Variants in CNTN5 observed in about 807,000 individuals in gnomAD.
CNTN5 encodes contactin 5.
A neutral mutation model predicts 129.1 loss-of-function variants in CNTN5; 77 were observed. The observed-to-expected ratio is 0.60, with a 90% CI of 0.50 to 0.72. The LOEUF (loss-of-function observed/expected upper bound fraction) is 0.72. Ranked by LOEUF, CNTN5 falls within the 30% of genes least tolerant of loss-of-function variation. The pLI, the probability that CNTN5 is intolerant of heterozygous loss-of-function variation, is 0.00. For synonymous variants in CNTN5, 509 were observed against 465.6 expected (o/e 1.09, Z -1.20); for missense variants, 1,478 against 1,328.8 (o/e 1.11, Z -1.75).
intron 3 of CNTN5, among the ~76,000 whole-genome samples, chr11:99,733,092 G>A (rs1444286210): frequency 3.9e-5 from 6 of 151,962 alleles, no homozygotes; most frequent in Non-Finnish European, 8.8e-5. Flanking sequence ...TTGGGAGGCC[G>A]AGGTGCATGG....
chr11:99,795,427 C>T (rs1199756045), intron 3 of CNTN5, among the ~76,000 whole-genome samples: 4 of 152,096 alleles, frequency 2.6e-5, no homozygotes, highest in Admixed American at 1.3e-4. Flanking sequence ...GTCATTTCAG[C>T]CATTTCAGCC....
chr11:99,237,526 G>A (rs1046231379), intron 1 of CNTN5, among the ~76,000 whole-genome samples: 4 of 151,934 alleles, frequency 2.6e-5, no homozygotes, highest in Non-Finnish European at 5.9e-5. Flanking sequence ...ACTAAAATAT[G>A]AAAAATTAGC....
chr11:99,195,693 T>G (rs978961434), intron 1 of CNTN5, among the ~76,000 whole-genome samples: 3 of 152,058 alleles, frequency 2.0e-5, no homozygotes, highest in African/African-American at 7.2e-5. Context: ...TTTAAAACAT[T>G]TACAAATTCA....
chr11:100,224,679 A>C lies in CNTN5; in HGVS notation c.1885-13A>C, dbSNP rs377322067. The C allele has an allele frequency of 2.5e-6, 4 of 1,606,800 alleles. No homozygotes were observed. In the African/African-American group the frequency reaches 5.3e-5, roughly 21 times the overall value. ...TTGCAACATTTTAAACTGGCACTTC[A>C]TCCCTCTTTCAGCAAGCATCCTCTG... On this transcript the variant is annotated splice_polypyrimidine_tract_variant and intron_variant, in intron 15 of 24. Transcript: ENST00000524871.
chr11:99,705,856 A>G (rs1386906431), intron 3 of CNTN5, among the ~76,000 whole-genome samples: 3 of 151,372 alleles, frequency 2.0e-5, no homozygotes, highest in Non-Finnish European at 4.4e-5. Flanking sequence ...CTCAAGTGTC[A>G]GGATCCTCAC....
At chr11:99,425,364 C>A (rs748203732) in intron 2 of CNTN5, among the ~76,000 whole-genome samples, 35 of 152,222 alleles carry the variant, frequency 2.3e-4, no homozygotes, top group South Asian at 6.2e-4. Context: ...CTTCCAGGAA[C>A]CTGTCTGTCT....
intron 3 of CNTN5, among the ~76,000 whole-genome samples, chr11:99,625,919 TATATAC>T (rs1204632891): frequency 0.016 from 996 of 61,040 alleles, 19 homozygotes; most frequent in African/African-American, 0.057. Context: ...TATATATATA[TATATAC>T]ACACACACAC....
chr11:99,134,202 T>C (rs767643400), intron 1 of CNTN5, among the ~76,000 whole-genome samples: 1 of 151,824 alleles, frequency 6.6e-6, no homozygotes, highest in Non-Finnish European at 1.5e-5. Flanking sequence ...AGCTGAACAA[T>C]GAGAACAAAT....
At chr11:99,257,063 T>C (rs931777473) in intron 1 of CNTN5, among the ~76,000 whole-genome samples, 4 of 152,060 alleles carry the variant, frequency 2.6e-5, no homozygotes, top group Non-Finnish European at 4.4e-5. Context: ...CAGATTCGGG[T>C]CTGCATTTTT....
At chr11:99,066,178 A>G (rs1442981182) in intron 1 of CNTN5, among the ~76,000 whole-genome samples, 1 of 152,140 alleles carries the variant, frequency 6.6e-6, no homozygotes, top group Non-Finnish European at 1.5e-5. Context: ...ATCTCAGCTC[A>G]CTGCAACCTT....
intron 1 of CNTN5, among the ~76,000 whole-genome samples, chr11:99,103,303 T>C (rs762309537): frequency 1.8e-4 from 27 of 152,210 alleles, no homozygotes; most frequent in Admixed American, 9.2e-4. Context: ...TATGTTTTCT[T>C]TGTATAATGT....
chr11:99,601,265 C>G (rs1338356689), intron 3 of CNTN5, among the ~76,000 whole-genome samples: 1 of 152,124 alleles, frequency 6.6e-6, no homozygotes, highest in Non-Finnish European at 1.5e-5. Flanking sequence ...TTTATAACCT[C>G]AAAAAATATA....
At chr11:99,731,979 T>A (rs1943550855) in intron 3 of CNTN5, among the ~76,000 whole-genome samples, 1 of 152,220 alleles carries the variant, frequency 6.6e-6, no homozygotes, top group Admixed American at 6.5e-5. Context: ...ATAATGTATA[T>A]AAATGCCCAT....
At chr11:99,976,118 T>C (rs1937946410) in intron 8 of CNTN5, among the ~76,000 whole-genome samples, 1 of 152,190 alleles carries the variant, frequency 6.6e-6, no homozygotes, top group African/African-American at 2.4e-5. Context: ...CAGAGAGTCA[T>C]TAAATCTTAA....
intron 6 of CNTN5, among the ~76,000 whole-genome samples, chr11:99,866,326 A>T (rs1431314405): frequency 6.6e-6 from 1 of 152,172 alleles, no homozygotes; most frequent in Non-Finnish European, 1.5e-5. Flanking sequence ...TCTCCTGGGT[A>T]TTTAGTATTT....
At chr11:99,760,782 A>C (rs1414122124) in intron 3 of CNTN5, among the ~76,000 whole-genome samples, 4 of 152,054 alleles carry the variant, frequency 2.6e-5, no homozygotes, top group African/African-American at 9.7e-5. Flanking sequence ...GTTCATATAA[A>C]AATCCAAATT....
intron 2 of CNTN5, among the ~76,000 whole-genome samples, chr11:99,375,349 A>G (rs1487299422): frequency 6.6e-6 from 1 of 150,518 alleles, no homozygotes; most frequent in Non-Finnish European, 1.5e-5. Context: ...TGATGAAAGT[A>G]TAATAGAAAA....
At chr11:100,315,867 C>G (rs1026378288) in intron 21 of CNTN5, among the ~76,000 whole-genome samples, 3 of 152,128 alleles carry the variant, frequency 2.0e-5, no homozygotes, top group African/African-American at 7.2e-5. Context: ...AGCACTGACA[C>G]TGAGATATGT....
intron 18 of CNTN5, among the ~76,000 whole-genome samples, chr11:100,286,976 C>T (rs906863462): frequency 1.3e-4 from 19 of 151,654 alleles, no homozygotes; most frequent in African/African-American, 3.4e-4. Context: ...CCTCAGGAGC[C>T]GATGTGATCA....
Sources: allele counts gnomAD v4.1 joint callset (sites outside exome capture counted in the v4.1 genomes callset), GRCh38; gene constraint gnomAD v4.1.1; transcripts MANE v1.5; gene names NCBI Gene and HGNC (gene_info 2026-07-23, HGNC 2026-07-21).